The following TPD52 variants were observed in gnomAD, a reference collection of about 807,000 sequenced individuals.
TPD52 encodes the protein tumor protein D52.
TPD52 carries 17 observed loss-of-function variants against 31.3 expected under a neutral mutation model. That is an observed-to-expected ratio of 0.54 (90% CI 0.37 to 0.82). The LOEUF is 0.82. Among genes scored for constraint, TPD52 ranks in the 40% least tolerant of loss-of-function variants. TPD52 has a pLI of 0.00. For synonymous variants in TPD52, 83 were observed against 89.6 expected, an observed-to-expected ratio of 0.93 and a Z score of 0.42; for missense variants, 212 against 240.1, an observed-to-expected ratio of 0.88 and a Z score of 0.77.
chr8:80,044,119 G>C, intron 6 of TPD52, 48 bp downstream of exon 6: 1 of 1,492,404 alleles, frequency 6.7e-7, no homozygotes, highest in Non-Finnish European at 9.1e-7. Context: ...TCTAAATAAA[G>C]AAAAATAAAG....
chr8:80,052,515 G>T, intron 3 of TPD52: 2 of 749,606 alleles, frequency 2.7e-6, no homozygotes, highest in South Asian at 1.9e-5. Context: ...GTAGAAAATG[G>T]ACCAAAAGAC....
At chr8:80,107,130 C>T (rs138628530) in intron 1 of TPD52, among the ~76,000 whole-genome samples, 4,002 of 152,230 alleles carry the variant, frequency 0.026, 185 homozygotes, top group African/African-American at 0.091. Flanking sequence ...GGATTACAGG[C>T]GTGAGCCACC....
At chr8:80,146,730 G>A (rs1810222442) in intron 1 of TPD52, among the ~76,000 whole-genome samples, 1 of 152,114 alleles carries the variant, frequency 6.6e-6, no homozygotes, top group Non-Finnish European at 1.5e-5. Context: ...TAGAATTAAG[G>A]CACATTTATA....
chr8:80,080,553 T>C, intron 1 of TPD52: 3 of 1,489,746 alleles, frequency 2.0e-6, no homozygotes, highest in Non-Finnish European at 2.7e-6. Flanking sequence ...GCAACTTCAC[T>C]GAAGAAATCA....
rs544559892 is a variant in TPD52 at position 80,152,028 on chromosome 8, GC to G, written c.19+19396del. The stretch of plus-strand genomic sequence containing the variant: ...TAAGCAGCTTTCAATATAAACAAGA[GC>G]CCTGCACCTCTCTATCACTTCAAAA... On this transcript the variant is annotated intron_variant, in intron 1 of 7. Coordinates refer to ENST00000518937, the MANE Select transcript of TPD52 (RefSeq NM_001025253.3). Among the ~76,000 whole-genome samples, 6 of 152,234 alleles carry G rather than the reference GC, an allele frequency of 3.9e-5. No individual in the cohort carries two copies. In the South Asian group the frequency reaches 8.3e-4, roughly 21 times the overall value.
chr8:80,032,611 A>G (rs1171031197), downstream of TPD52: 1 of 152,266 alleles, frequency 6.6e-6, no homozygotes, highest in East Asian at 1.9e-4. Context: ...CTTTACAGCT[A>G]CTGGCTTTGG....
intron 1 of TPD52, among the ~76,000 whole-genome samples, chr8:80,068,380 G>A (rs1269757540): frequency 6.6e-6 from 1 of 152,172 alleles, no homozygotes; most frequent in Non-Finnish European, 1.5e-5. Context: ...GGCAGGACAA[G>A]GAAACAGGGC....
At chr8:80,051,896 G>A (rs1811424675) in intron 3 of TPD52, 1 of 347,102 alleles carries the variant, frequency 2.9e-6, no homozygotes. Flanking sequence ...AGAAGTCAAG[G>A]TAAGGGCTAA....
intron 1 of TPD52, among the ~76,000 whole-genome samples, chr8:80,081,697 G>T (rs538072167): frequency 1.3e-5 from 2 of 149,208 alleles, no homozygotes; most frequent in African/African-American, 4.9e-5. Flanking sequence ...CACCAAGATG[G>T]TCTGTATTCA....
intron 1 of TPD52, among the ~76,000 whole-genome samples, chr8:80,128,703 T>C (rs1274623452): frequency 1.3e-5 from 2 of 151,606 alleles, no homozygotes; most frequent in East Asian, 3.8e-4. Flanking sequence ...ATGTTAAATA[T>C]TAAAAAAATT....
At chr8:80,033,204 G>A (rs1297223729), downstream of TPD52, 2 of 152,188 alleles carry the variant, frequency 1.3e-5, no homozygotes, top group Non-Finnish European at 2.9e-5. Context: ...CCCAAAGAGG[G>A]TGTTACAGCA....
intron 1 of TPD52, among the ~76,000 whole-genome samples, chr8:80,105,616 T>G (rs1807045799): frequency 6.6e-6 from 1 of 152,066 alleles, no homozygotes; most frequent in Non-Finnish European, 1.5e-5. Flanking sequence ...CTTCTTTAAC[T>G]CAGTGTCTGA....
chr8:80,126,644 GC>G (rs1187948225), intron 1 of TPD52, among the ~76,000 whole-genome samples: 3 of 151,866 alleles, frequency 2.0e-5, no homozygotes, highest in Non-Finnish European at 4.4e-5. Context: ...ACCATGCCTA[GC>G]CAATTTTTGT....
chr8:80,060,595 G>A (rs929290848), intron 2 of TPD52, among the ~76,000 whole-genome samples: 4 of 149,748 alleles, frequency 2.7e-5, no homozygotes, highest in Admixed American at 6.6e-5. Flanking sequence ...ATATCCAGCA[G>A]CATATTAAAA....
intron 1 of TPD52, among the ~76,000 whole-genome samples, chr8:80,088,275 G>A (rs1279639945): frequency 6.6e-6 from 1 of 152,208 alleles, no homozygotes; most frequent in Middle Eastern, 3.2e-3. Context: ...AACCACATGG[G>A]ATCACACTTG....
At chr8:80,099,613 T>A (rs920116777) in intron 1 of TPD52, among the ~76,000 whole-genome samples, 1 of 151,034 alleles carries the variant, frequency 6.6e-6, no homozygotes, top group Non-Finnish European at 1.5e-5. Context: ...CAGGTTCAAG[T>A]GATTCTCCTG....
intron 1 of TPD52, among the ~76,000 whole-genome samples, chr8:80,152,831 G>T (rs185586712): frequency 6.7e-6 from 1 of 148,740 alleles, no homozygotes; most frequent in Non-Finnish European, 1.5e-5. Flanking sequence ...GGTTTCCTTC[G>T]AATTGAGGAA....
Position 80,035,112 on chromosome 8 carries a change from T to C in TPD52, c.*3004A>G, listed in dbSNP as rs1809816155. On this transcript the variant is annotated 3_prime_UTR_variant, in exon 8 of 8. Coordinates refer to ENST00000518937, the MANE Select transcript of TPD52 (RefSeq NM_001025253.3). ...ATGAAAACAGGACAGTCACTGAAAA[T>C]AAGGACTAATCAATGGCCAAATGTT... 6.6e-6 allele frequency: 1 copy of C among 152,160 alleles called. No individual in the cohort carries two copies. The allele number at this position is 152,160 out of a possible 1,614,324, so 9.4% of individuals were successfully genotyped here.
At chr8:80,138,427 C>T (rs539322693) in intron 1 of TPD52, among the ~76,000 whole-genome samples, 3 of 152,242 alleles carry the variant, frequency 2.0e-5, no homozygotes, top group Admixed American at 6.5e-5. Flanking sequence ...TCGTCTCCTT[C>T]GGCAGGTGCT....
Sources: gnomAD v4.1 joint callset for allele counts (sites outside exome capture counted in the v4.1 genomes callset) on GRCh38, gnomAD v4.1.1 for gene constraint, MANE v1.5 for transcripts, NCBI Gene and HGNC (gene_info 2026-07-23, HGNC 2026-07-21) for gene names.